The following SPOCD1 variants were observed in gnomAD, a reference collection of about 807,000 sequenced individuals.
SPOCD1 encodes the protein SPOC domain containing 1, also known as SPOC domain-containing protein 1.
Under a neutral mutation model 92.2 loss-of-function variants are expected in SPOCD1, and 64 were observed. The ratio of observed to expected loss-of-function variants is 0.69; its 90% CI spans 0.57 to 0.86. The LOEUF (loss-of-function observed/expected upper bound fraction) is 0.86, where lower values mean the gene tolerates loss of function less well. SPOCD1 is among the 40% of genes least tolerant of loss of function. SPOCD1 has a pLI of 0.00. For synonymous variants in SPOCD1, 578 were observed against 619.3 expected (o/e 0.93, Z 0.99); for missense variants, 1,360 against 1,543.1 (o/e 0.88, Z 1.99).
At chr1:31,792,113 T>C in intron 15 of SPOCD1, 102 bp downstream of exon 15, 1 of 1,352,584 alleles carries the variant, frequency 7.4e-7, no homozygotes, top group South Asian at 1.4e-5. Flanking sequence ...AGGAGTTCCC[T>C]TCTGAGATGT....
In SPOCD1 at chr1:31,796,581, C is replaced by T; in HGVS notation, c.2271+9G>A. 1 of 1,614,262 alleles carries T rather than the reference C, an allele frequency of 6.2e-7. No individual in the cohort carries two copies. The highest frequency in any genetic ancestry group is 8.5e-7 in the Non-Finnish European group (1 of 1,180,050). ...CTCTGCCCAGCACCAGGTCAGGCTC[C>T]AACTTAACCACCAGATCCTCCAGGG... is the stretch of plus-strand genomic sequence containing the variant. On this transcript the variant is annotated intron_variant, in intron 10 of 15. Coordinates refer to ENST00000360482, the MANE Select transcript of SPOCD1 (RefSeq NM_144569.7).
At chr1:31,796,221 C>T (rs1053222593) in intron 10 of SPOCD1, 4 of 362,600 alleles carry the variant, frequency 1.1e-5, no homozygotes, top group African/African-American at 2.1e-5. Context: ...AGTGGGTCTT[C>T]GTTCCTTCCA....
At chr1:31,813,329 G>A (rs1649325723) in intron 2 of SPOCD1, among the ~76,000 whole-genome samples, 1 of 152,170 alleles carries the variant, frequency 6.6e-6, no homozygotes, top group South Asian at 2.1e-4. Flanking sequence ...GTACAGTGGT[G>A]CGATCTCAGC....
At chr1:31,807,247 G>A (rs1648881649) in intron 2 of SPOCD1, among the ~76,000 whole-genome samples, 1 of 147,764 alleles carries the variant, frequency 6.8e-6, no homozygotes, top group African/African-American at 2.5e-5. Flanking sequence ...AAATTAGCCA[G>A]ACGTGGTGGC....
In SPOCD1 at chr1:31,813,970, G is replaced by A. The variant is rs746117213; in HGVS notation, c.1364C>T (p.Pro455Leu). 15 of 1,558,394 alleles carry A rather than the reference G, an allele frequency of 9.6e-6. No individual in the cohort carries two copies. Among genetic ancestry groups the A allele is most frequent in the Non-Finnish European group, 1.2e-5 (14 of 1,148,080 alleles). ...GCTCACCAGTCTGGGGCAGCCTCCT[G>A]GGCTGGGTTCCTCTGGCCTGTCCTG... ...SHQDRPEEPS[P>L]GGCPRLEEVK... Residue 455 changes from proline (P) to leucine (L), a missense_variant, in exon 2 of 16, where the codon CCA becomes CTA. By Grantham distance (98) the Pro-to-Leu change is moderately conservative (BLOSUM62 -3). This residue lies in a region of SPOCD1 where 606 missense variants were observed against 601.5 expected (regional missense o/e 1.01). Transcript: ENST00000360482.
At chr1:31,797,248 A>G (rs1223727746) in intron 9 of SPOCD1, among the ~76,000 whole-genome samples, 1 of 152,220 alleles carries the variant, frequency 6.6e-6, no homozygotes, top group African/African-American at 2.4e-5. Flanking sequence ...TCTATCTGCA[A>G]TACTTCCTGA....
Position 31,798,730 on chromosome 1 carries a change from C to A in SPOCD1, c.1869-129G>T, listed in dbSNP as rs1422918014. The A allele has an allele frequency of 7.3e-6, 7 of 952,870 alleles. No individual in the cohort carries two copies. The highest frequency in any genetic ancestry group is 3.3e-5 in the South Asian group (2 of 61,016). The allele number at this position is 952,870 out of a possible 1,614,324, so 59.0% of individuals were successfully genotyped here. ...TGTTCCTGTCGTGGGTGTTTCCCTG[C>A]AGGAACCTACTTATTCTCACCCCAA... On this transcript the variant is annotated intron_variant, in intron 7 of 15. Transcript: ENST00000360482. The surrounding 1 kb of genome is among the most constrained non-coding windows in gnomAD (Gnocchi z 4.1).
At position 31,811,237 on chromosome 1, in the gene SPOCD1, C is replaced by T. The variant is rs548274570; in HGVS notation, c.1383+2714G>A. Among the ~76,000 whole-genome samples, 6 of 152,178 alleles carry T rather than the reference C, an allele frequency of 3.9e-5. No homozygotes were observed. In the East Asian group the frequency reaches 5.8e-4, roughly 15 times the overall value. On this transcript the variant is annotated intron_variant, in intron 2 of 15. Transcript: ENST00000360482. Reference sequence around the variant, plus strand: ...CTGTAATCCCAGCACTTTGGAAGGCCGACGCAGCGGATCACCTGAGGTCAG... The same window carrying T: ...CTGTAATCCCAGCACTTTGGAAGGCTGACGCAGCGGATCACCTGAGGTCAG...
intron 13 of SPOCD1, 86 bp from the exon 14 acceptor site, chr1:31,792,853 G>T: frequency 9.1e-7 from 1 of 1,093,598 alleles, no homozygotes; most frequent in Non-Finnish European, 1.4e-6. Context: ...GAAGGCTGCA[G>T]CCTGTGGCAA....
At chr1:31,799,981 T>G in intron 5 of SPOCD1, 35 bp downstream of exon 5, 1 of 1,610,830 alleles carries the variant, frequency 6.2e-7, no homozygotes, top group Non-Finnish European at 8.5e-7. Flanking sequence ...CATGCTCCAG[T>G]GAAGGAGGCA....
rs746594485 is a variant in SPOCD1 at position 31,790,552 on chromosome 1, C to T, written c.*51G>A. 6.0e-6 allele frequency: 9 copies of T among 1,503,542 alleles called. No individual in the cohort carries two copies. The South Asian group carries it at 1.1e-4, about 19-fold the overall frequency. The allele number at this position is 1,503,542 out of a possible 1,614,324, so 93.1% of individuals were successfully genotyped here. A position where few individuals can be genotyped will look rare whatever the true frequency, so the allele number is the denominator to read the frequency against. Reference sequence around the variant, plus strand: ...CAGTCCCACCTCTCTCTGGAACAGGCTTCAACACTAGTGAGGGCATCAAAA... The same window carrying T: ...CAGTCCCACCTCTCTCTGGAACAGGTTTCAACACTAGTGAGGGCATCAAAA... On this transcript the variant is annotated 3_prime_UTR_variant, in exon 16 of 16. Transcript: ENST00000360482.
chr1:31,810,837 G>C lies in SPOCD1; in HGVS notation c.1383+3114C>G, dbSNP rs541938378. ...CAGCATACCTTGAACCAGGGATTCT[G>C]GGTCAGGCCAGAGGAGCTGTGTGCC... is the stretch of plus-strand genomic sequence containing the variant. On this transcript the variant is annotated intron_variant, in intron 2 of 15. Coordinates refer to ENST00000360482, the MANE Select transcript of SPOCD1 (RefSeq NM_144569.7). 2.0e-5 allele frequency among the ~76,000 whole-genome samples: 3 copies of C among 152,304 alleles called. No individual in the cohort carries two copies. In the South Asian group the frequency reaches 6.2e-4, roughly 32 times the overall value.
intron 2 of SPOCD1, among the ~76,000 whole-genome samples, chr1:31,810,189 C>T (rs2149117951): frequency 6.6e-6 from 1 of 152,188 alleles, no homozygotes; most frequent in East Asian, 1.9e-4. Context: ...GACGAGCCCC[C>T]TCCTTGTTCA....
rs761451452 is a variant in SPOCD1 at position 31,814,176 on chromosome 1, G to A, written c.1158C>T (p.Thr386=). Residue 386 remains threonine (T), a synonymous_variant, in exon 2 of 16, where the codon ACC becomes ACT. Coordinates refer to ENST00000360482, the MANE Select transcript of SPOCD1 (RefSeq NM_144569.7). This position sits in a 1 kb window ranked among gnomAD's most constrained non-coding sequence, Gnocchi z 4.2. Reference sequence around the variant, plus strand: ...CCAAGGGCTCCCGGGAGCTGGCACAGGTGTCAGCGGGGGCAGCGAGTCCTT... The same window carrying A: ...CCAAGGGCTCCCGGGAGCTGGCACAAGTGTCAGCGGGGGCAGCGAGTCCTT... ...LEQGLAAPAD[T]CASSREPLGG... The A allele has an allele frequency of 3.2e-6, 5 of 1,575,602 alleles. No individual in the cohort carries two copies. In the East Asian group the frequency reaches 9.1e-5, roughly 29 times the overall value.
chr1:31,800,340 G>C, intron 4 of SPOCD1, 101 bp downstream of exon 4: 1 of 1,436,428 alleles, frequency 7.0e-7, no homozygotes, highest in East Asian at 2.5e-5. Context: ...GAATGACCGC[G>C]AGCAAGTGGC....
chr1:31,815,613 CTG>C, intron 1 of SPOCD1: 1 of 359,626 alleles, frequency 2.8e-6, no homozygotes, highest in South Asian at 1.3e-4. Context: ...CTTCTTGTCT[CTG>C]AGAGTTCACA....
chr1:31,792,054 C>A, intron 15 of SPOCD1, 161 bp downstream of exon 15: 1 of 739,822 alleles, frequency 1.4e-6, no homozygotes, highest in Non-Finnish European at 2.2e-6. Context: ...TCATGATATC[C>A]AAGCGTGAGC....
chr1:31,799,785 G>A (rs368517574), intron 6 of SPOCD1, 24 bp downstream of exon 6: 28 of 1,613,240 alleles, frequency 1.7e-5, no homozygotes, highest in Non-Finnish European at 2.4e-5. Flanking sequence ...GGAAGCAGAA[G>A]AGGCTCCCTC....
rs1647660546 is a variant in SPOCD1, at chr1:31,792,344, G to C, written c.2833C>G (p.Leu945Val). Residue 945 changes from leucine (L) to valine (V), a missense_variant, in exon 15 of 16, where the codon CTG becomes GTG. This residue lies in a region of SPOCD1 where 614 missense variants were observed against 757.8 expected (regional missense o/e 0.81). Transcript: ENST00000360482. ...CTATCATTGAGGTATGAGTAGAGCA[G>C]GCGGCAGTTCTGGGTGTCCCGGGCC... ...HGARDTQNCR[L>V]LYSYLNDRQR... 6.2e-7 allele frequency: 1 copy of C among 1,613,930 alleles called. No individual in the cohort carries two copies. The highest frequency in any genetic ancestry group is 1.3e-5 in the African/African-American group (1 of 74,946).
Sources: allele counts gnomAD v4.1 joint callset (sites outside exome capture counted in the v4.1 genomes callset), GRCh38; gene constraint gnomAD v4.1.1; regional missense constraint gnomAD v4.1.1; non-coding constraint Gnocchi (gnomAD v3.1); transcripts MANE v1.5; gene names NCBI Gene and HGNC (gene_info 2026-07-23, HGNC 2026-07-21).